The following TRPC5 variants were observed in gnomAD, a reference collection of about 807,000 sequenced individuals.
TRPC5 encodes transient receptor potential cation channel subfamily C member 5, also known as short transient receptor potential channel 5.
In TRPC5, 9 loss-of-function variants were observed where a neutral mutation model predicts 56.5. The observed-to-expected ratio is 0.16, with a 90% CI of 0.10 to 0.28. TRPC5 has a LOEUF of 0.28. Among genes scored for constraint, TRPC5 ranks in the 10% least tolerant of loss-of-function variants. The pLI is 1.00. For missense variants in TRPC5, 469 were observed against 748.9 expected, an observed-to-expected ratio of 0.63 and a Z score of 4.36; for synonymous variants, 282 against 278.5, an observed-to-expected ratio of 1.01 and a Z score of -0.13.
chrX:111,806,030 A>G (rs1921497363), intron 7 of TRPC5, among the ~76,000 whole-genome samples: 1 of 26,777 alleles, frequency 3.7e-5, no homozygotes, highest in South Asian at 3.8e-3. Flanking sequence ...GCATGTGATA[A>G]TACAAAAGCA....
intron 3 of TRPC5, among the ~76,000 whole-genome samples, chrX:111,857,590 T>G (rs1923277922): frequency 8.9e-6 from 1 of 112,655 alleles, no homozygotes; most frequent in Non-Finnish European, 1.9e-5. Flanking sequence ...TGGCAGGGAT[T>G]AGCAGATTTT....
At chrX:112,037,129 C>A (rs145488599) in intron 1 of TRPC5, among the ~76,000 whole-genome samples, 1,597 of 111,964 alleles carry the variant, frequency 0.014, 25 homozygotes, top group African/African-American at 0.049. Flanking sequence ...CCTTCTTTCT[C>A]TATCAATTGT....
intron 7 of TRPC5, among the ~76,000 whole-genome samples, chrX:111,788,970 G>A (rs369997444): frequency 2.9e-4 from 32 of 111,863 alleles, no homozygotes; most frequent in African/African-American, 6.5e-4. Flanking sequence ...AATCATTATC[G>A]TGAAAATGGC....
chrX:111,988,978 C>T (rs1192057309), intron 1 of TRPC5, among the ~76,000 whole-genome samples: 1 of 111,939 alleles, frequency 8.9e-6, no homozygotes, highest in East Asian at 2.8e-4. Context: ...TTACTAATCC[C>T]ATTGTGCAAA....
In TRPC5 at chrX:111,862,422, G is replaced by A. The variant is rs1341899891; in HGVS notation, c.901-8316C>T. 2.7e-5 allele frequency among the ~76,000 whole-genome samples: 3 copies of A among 111,774 alleles called. No individual in the cohort carries two copies. The East Asian group carries it at 8.4e-4, about 31-fold the overall frequency. On this transcript the variant is annotated intron_variant, in intron 3 of 10. Coordinates refer to ENST00000262839, the MANE Select transcript of TRPC5 (RefSeq NM_012471.3). ...ATAATACTTCTATGTATTTTATAGG[G>A]TTATATAGTATAATAACTGGAATCC...
At chrX:111,938,447 A>G (rs1420443789) in intron 2 of TRPC5, among the ~76,000 whole-genome samples, 3 of 110,512 alleles carry the variant, frequency 2.7e-5, no homozygotes, top group East Asian at 2.8e-4. Flanking sequence ...GAATGCTTCC[A>G]GTTTTTGCCC....
At chrX:112,050,100 C>T (rs1380910173) in intron 1 of TRPC5, among the ~76,000 whole-genome samples, 7 of 111,878 alleles carry the variant, frequency 6.3e-5, no homozygotes, top group Admixed American at 3.8e-4. Context: ...TGCTTGAACC[C>T]GGTAGGCGGA....
At chrX:111,975,828 G>C (rs771596511) in intron 1 of TRPC5, among the ~76,000 whole-genome samples, 1 of 111,935 alleles carries the variant, frequency 8.9e-6, no homozygotes, top group African/African-American at 3.2e-5. Flanking sequence ...GGAGCAAAGC[G>C]GAGAGGCGGA....
intron 1 of TRPC5, among the ~76,000 whole-genome samples, chrX:111,963,673 C>T (rs779652801): frequency 1.5e-4 from 17 of 111,611 alleles, no homozygotes; most frequent in African/African-American, 5.2e-4. Context: ...CACCAATATC[C>T]GCTGTTCTAC....
Position 111,826,614 on chromosome X carries a change from C to T in TRPC5, c.1896+8307G>A, listed in dbSNP as rs190605193. Reference sequence around the variant, plus strand: ...GCTTTGCTCCAATGTCATGATATGCCTACAGCTTGAATTAAGCAACTCCTT... The same window carrying T: ...GCTTTGCTCCAATGTCATGATATGCTTACAGCTTGAATTAAGCAACTCCTT... On this transcript the variant is annotated intron_variant, in intron 7 of 10. Coordinates refer to ENST00000262839, the MANE Select transcript of TRPC5 (RefSeq NM_012471.3). 5.1e-3 allele frequency among the ~76,000 whole-genome samples: 579 copies of T among 112,664 alleles called. 3 individuals carry two copies. The highest frequency in any genetic ancestry group is 8.4e-3 in the Non-Finnish European group (447 of 53,330).
intron 3 of TRPC5, among the ~76,000 whole-genome samples, chrX:111,886,878 G>T (rs936445014): frequency 8.9e-6 from 1 of 112,793 alleles, no homozygotes. Flanking sequence ...ATGTTATCCT[G>T]AGGACAAAAT....
At chrX:111,838,835 C>T (rs1009796368) in intron 6 of TRPC5, among the ~76,000 whole-genome samples, 3 of 111,321 alleles carry the variant, frequency 2.7e-5, no homozygotes, top group Admixed American at 9.5e-5. Context: ...GAATATTTGC[C>T]GAAAGTCTCA....
intron 2 of TRPC5, among the ~76,000 whole-genome samples, chrX:111,942,497 G>T (rs998167182): frequency 3.6e-5 from 4 of 111,450 alleles, no homozygotes; most frequent in African/African-American, 1.3e-4. Context: ...AGCTTGGGGG[G>T]CAGGAGGTAT....
intron 8 of TRPC5, 55 bp downstream of exon 8, chrX:111,781,880 A>AG (rs1945922566): frequency 9.4e-7 from 1 of 1,064,392 alleles, no homozygotes. Context: ...TGGGTGACAG[A>AG]GTGAGACTCC....
chrX:111,898,063 AT>A (rs1368528049), intron 3 of TRPC5, among the ~76,000 whole-genome samples: 1 of 109,652 alleles, frequency 9.1e-6, no homozygotes, highest in African/African-American at 3.3e-5. Context: ...TCAGTCTTTA[AT>A]TTTAGCCAAT....
chrX:111,908,976 C>A (rs182637028), intron 3 of TRPC5, among the ~76,000 whole-genome samples: 12 of 109,711 alleles, frequency 1.1e-4, no homozygotes, highest in African/African-American at 3.3e-4. Context: ...CATAGTGAGA[C>A]CTTGTCTCCA....
chrX:111,841,800 T>C (rs970191321), intron 6 of TRPC5, among the ~76,000 whole-genome samples: 4 of 110,507 alleles, frequency 3.6e-5, no homozygotes, highest in Non-Finnish European at 5.7e-5. Flanking sequence ...AATCTCCACT[T>C]CCCGGGTTCA....
chrX:111,797,856 AAATT>A (rs764849347), intron 7 of TRPC5, among the ~76,000 whole-genome samples: 16 of 111,692 alleles, frequency 1.4e-4, no homozygotes, highest in Non-Finnish European at 3.0e-4. Flanking sequence ...ATACATCATA[AAATT>A]AATTCTTTAA....
Position 111,825,146 on chromosome X carries a change from C to T in TRPC5, c.1896+9775G>A, listed in dbSNP as rs184622177. On this transcript the variant is annotated intron_variant, in intron 7 of 10. Transcript: ENST00000262839. ...CTTTCTTTTCCTTCCTTCCTTCCTT[C>T]CTTTCTTTCTTTCTTTCTTTCTTTC... 2.9e-3 allele frequency among the ~76,000 whole-genome samples: 173 copies of T among 59,378 alleles called. 3 individuals carry two copies. The highest frequency in any genetic ancestry group is 8.8e-3 in the Middle Eastern group (1 of 114). 51.6% of individuals were successfully genotyped at this position (59,378 alleles called of 115,157 possible). A position where few individuals can be genotyped will look rare whatever the true frequency, so the allele number is the denominator to read the frequency against.
Sources: gnomAD v4.1 joint callset for allele counts (sites outside exome capture counted in the v4.1 genomes callset) on GRCh38, gnomAD v4.1.1 for gene constraint, MANE v1.5 for transcripts, NCBI Gene and HGNC (gene_info 2026-07-23, HGNC 2026-07-21) for gene names.